Variants in PLEKHA7 observed in about 807,000 individuals in gnomAD.
The protein encoded by PLEKHA7 is pleckstrin homology domain containing A7.
A neutral mutation model predicts 170.0 loss-of-function variants in PLEKHA7; 104 were observed. The ratio of observed to expected loss-of-function variants is 0.61; its 90% CI spans 0.52 to 0.72. PLEKHA7 has a LOEUF of 0.72. Among genes scored for constraint, PLEKHA7 ranks in the 30% least tolerant of loss-of-function variants. PLEKHA7 has a pLI of 0.00. For synonymous variants in PLEKHA7, 648 were observed against 660.8 expected (o/e 0.98, Z 0.30); for missense variants, 1,615 against 1,671.7 (o/e 0.97, Z 0.59).
chr11:16,872,564 G>A (rs1854945460), intron 3 of PLEKHA7, among the ~76,000 whole-genome samples: 1 of 152,040 alleles, frequency 6.6e-6, no homozygotes, highest in Non-Finnish European at 1.5e-5. Flanking sequence ...CTGTTGCCCA[G>A]GTGGGAATGC....
chr11:16,986,756 C>T (rs1325014918), intron 3 of PLEKHA7, among the ~76,000 whole-genome samples: 2 of 152,140 alleles, frequency 1.3e-5, no homozygotes, highest in African/African-American at 2.4e-5. Context: ...ACCAGAGCTT[C>T]CACCATGAGC....
intron 13 of PLEKHA7, among the ~76,000 whole-genome samples, chr11:16,806,807 C>T (rs1185201651): frequency 1.3e-5 from 2 of 152,184 alleles, no homozygotes; most frequent in African/African-American, 4.8e-5. Flanking sequence ...TGTTCCCTCC[C>T]AAGAAACTCA....
At chr11:16,887,964 C>T (rs1226767961) in intron 3 of PLEKHA7, among the ~76,000 whole-genome samples, 1 of 151,680 alleles carries the variant, frequency 6.6e-6, no homozygotes, top group Non-Finnish European at 1.5e-5. Context: ...CTCTGCCCGG[C>T]CGCCCATCGT....
chr11:16,849,307 A>G (rs1852724883), intron 8 of PLEKHA7, among the ~76,000 whole-genome samples: 1 of 152,232 alleles, frequency 6.6e-6, no homozygotes, highest in African/African-American at 2.4e-5. Context: ...TAGTTATGAT[A>G]TGTTACTTTA....
chr11:16,781,724 T>C (rs555894181), intron 26 of PLEKHA7, among the ~76,000 whole-genome samples: 2 of 152,260 alleles, frequency 1.3e-5, no homozygotes, highest in East Asian at 3.9e-4. Flanking sequence ...GTCACTCTCA[T>C]GGCCCTCTGG....
chr11:16,787,112 A>G, intron 23 of PLEKHA7: 1 of 985,450 alleles, frequency 1.0e-6, no homozygotes, highest in Non-Finnish European at 1.2e-6. Flanking sequence ...AATCTAACCG[A>G]TAAGATCCAA....
At chr11:16,887,250 C>T (rs1327680522) in intron 3 of PLEKHA7, among the ~76,000 whole-genome samples, 3 of 151,996 alleles carry the variant, frequency 2.0e-5, no homozygotes, top group Non-Finnish European at 2.9e-5. Flanking sequence ...AGTTCAAGAC[C>T]AGCATGGGCA....
At chr11:16,933,173 C>T (rs865977286) in intron 3 of PLEKHA7, among the ~76,000 whole-genome samples, 11 of 152,340 alleles carry the variant, frequency 7.2e-5, no homozygotes, top group South Asian at 2.1e-4. Context: ...TATGTATGAT[C>T]TCCTTTAATC....
chr11:16,816,102 G>A, intron 12 of PLEKHA7, 76 bp downstream of exon 12: 4 of 1,229,866 alleles, frequency 3.3e-6, no homozygotes, highest in Non-Finnish European at 4.8e-6. Flanking sequence ...CCTCTGGACT[G>A]CATTGTACTA....
At chr11:16,892,173 G>A (rs978801843) in intron 3 of PLEKHA7, among the ~76,000 whole-genome samples, 1 of 152,110 alleles carries the variant, frequency 6.6e-6, no homozygotes, top group Admixed American at 6.5e-5. Context: ...TGCTCCTCAC[G>A]AGCTCTGTGA....
intron 3 of PLEKHA7, among the ~76,000 whole-genome samples, chr11:16,895,890 AATTG>A (rs757597640): frequency 9.8e-5 from 15 of 152,318 alleles, no homozygotes; most frequent in Middle Eastern, 3.4e-3. Flanking sequence ...AATCTGCCAA[AATTG>A]ATTAAGAGAG....
At chr11:16,996,960 G>C (rs1318733246) in intron 3 of PLEKHA7, among the ~76,000 whole-genome samples, 1 of 151,984 alleles carries the variant, frequency 6.6e-6, no homozygotes, top group African/African-American at 2.4e-5. Context: ...TTGAATCTCA[G>C]AGTGGTTCTC....
At chr11:16,885,640 A>T (rs1057271672) in intron 3 of PLEKHA7, among the ~76,000 whole-genome samples, 3 of 13,652 alleles carry the variant, frequency 2.2e-4, no homozygotes, top group Non-Finnish European at 1.3e-3. Context: ...AAAAATCTTA[A>T]AAAAAAAAAA....
chr11:16,807,856 G>A (rs1849097352), intron 13 of PLEKHA7, among the ~76,000 whole-genome samples: 1 of 152,212 alleles, frequency 6.6e-6, no homozygotes, highest in African/African-American at 2.4e-5. Context: ...AAGTGATTCT[G>A]ATATAATTGG....
intron 9 of PLEKHA7, among the ~76,000 whole-genome samples, chr11:16,838,880 G>A (rs968251310): frequency 6.6e-6 from 1 of 151,916 alleles, no homozygotes; most frequent in African/African-American, 2.4e-5. Context: ...TAGAGATGGG[G>A]TTTCACCGTG....
chr11:17,005,459 G>A (rs923576656), intron 3 of PLEKHA7, among the ~76,000 whole-genome samples: 3 of 152,194 alleles, frequency 2.0e-5, no homozygotes, highest in Non-Finnish European at 4.4e-5. Context: ...TTGAACCCAG[G>A]AGGCAGAGGT....
chr11:16,903,502 C>G (rs901082235), intron 3 of PLEKHA7, among the ~76,000 whole-genome samples: 2 of 152,126 alleles, frequency 1.3e-5, no homozygotes, highest in South Asian at 4.1e-4. Context: ...GCACAGACGC[C>G]TACATTAGAA....
chr11:16,902,003 G>A (rs1032881945), intron 3 of PLEKHA7, among the ~76,000 whole-genome samples: 2 of 152,138 alleles, frequency 1.3e-5, no homozygotes, highest in African/African-American at 4.8e-5. Flanking sequence ...GATCACCCCA[G>A]CTCCAGCCCT....
chr11:16,787,435 T>G, intron 23 of PLEKHA7: 1 of 153,924 alleles, frequency 6.5e-6, no homozygotes, highest in Non-Finnish European at 1.4e-5. Flanking sequence ...TAATCACTCT[T>G]AGGTGATGGT....
Sources: allele counts gnomAD v4.1 joint callset (sites outside exome capture counted in the v4.1 genomes callset), GRCh38; gene constraint gnomAD v4.1.1; transcripts MANE v1.5; gene names NCBI Gene and HGNC (gene_info 2026-07-23, HGNC 2026-07-21).